The following CSMD1 variants were observed in gnomAD, a reference collection of about 807,000 sequenced individuals.
CSMD1 encodes the protein CUB and sushi domain-containing protein 1.
Under a neutral mutation model 417.5 loss-of-function variants are expected in CSMD1, and 213 were observed. The ratio of observed to expected loss-of-function variants is 0.51; its 90% CI spans 0.46 to 0.57. CSMD1 has a LOEUF of 0.57. Among genes scored for constraint, CSMD1 ranks in the 20% least tolerant of loss-of-function variants. CSMD1 has a pLI of 0.00. For missense variants in CSMD1, 6,923 were observed against 4,529.7 expected (o/e 1.53, Z -15.17); for synonymous variants, 2,862 against 1,736.8 (o/e 1.65, Z -16.11).
chr8:4,792,043 T>C (rs1287186328), intron 1 of CSMD1, among the ~76,000 whole-genome samples: 1 of 152,154 alleles, frequency 6.6e-6, no homozygotes, highest in Non-Finnish European at 1.5e-5. Context: ...AGTGGTGACA[T>C]TCTTACCCAA....
At chr8:4,075,877 GC>G (rs1272194219) in intron 3 of CSMD1, among the ~76,000 whole-genome samples, 1 of 152,076 alleles carries the variant, frequency 6.6e-6, no homozygotes, top group Non-Finnish European at 1.5e-5. Context: ...ATCTGTTCTA[GC>G]CCAGAAATTA....
intron 3 of CSMD1, among the ~76,000 whole-genome samples, chr8:4,113,684 A>G (rs950593043): frequency 3.3e-5 from 5 of 152,170 alleles, no homozygotes; most frequent in African/African-American, 9.7e-5. Context: ...GATTACAGGC[A>G]TGAGCCACCG....
At chr8:4,889,519 C>G (rs948136523) in intron 1 of CSMD1, among the ~76,000 whole-genome samples, 1 of 151,888 alleles carries the variant, frequency 6.6e-6, no homozygotes, top group Non-Finnish European at 1.5e-5. Context: ...TTTATCATTA[C>G]AGGAAGTTGT....
intron 1 of CSMD1, among the ~76,000 whole-genome samples, chr8:4,704,443 A>G (rs1351098607): frequency 6.6e-6 from 1 of 152,192 alleles, no homozygotes; most frequent in African/African-American, 2.4e-5. Context: ...TAGGATTTCA[A>G]TAAATATTTG....
rs370802043 is a variant in CSMD1, at chr8:3,208,153, A to AAT, written c.4868-2535_4868-2534dup. Among the ~76,000 whole-genome samples, 130 of 152,350 alleles carry AAT rather than the reference A, an allele frequency of 8.5e-4. 1 individual carries two copies. Among genetic ancestry groups the AAT allele is most frequent in the African/African-American group, 3.1e-3 (127 of 41,574 alleles). On this transcript the variant is annotated intron_variant, in intron 30 of 69. Transcript: ENST00000635120. Reference sequence around the variant, plus strand: ...TACAATTCAAACATATCATTTTGCAAATGATCTTTTTCCATAAAACAATTA... The same window carrying AAT: ...TACAATTCAAACATATCATTTTGCAAATATGATCTTTTTCCATAAAACAATTA...
intron 18 of CSMD1, 38 bp from the exon 19 acceptor site, chr8:3,369,408 T>A (rs1349581760): frequency 4.1e-6 from 4 of 971,172 alleles, no homozygotes; most frequent in South Asian, 1.4e-5. Flanking sequence ...AGCACTAAAG[T>A]TTCACAATGA....
chr8:3,683,480 C>A (rs1164140474), intron 7 of CSMD1, among the ~76,000 whole-genome samples: 1 of 152,130 alleles, frequency 6.6e-6, no homozygotes, highest in East Asian at 1.9e-4. Context: ...GAGGGGTGTT[C>A]ATAGGTACCT....
At chr8:4,661,610 G>C (rs1438407782) in intron 1 of CSMD1, among the ~76,000 whole-genome samples, 1 of 152,038 alleles carries the variant, frequency 6.6e-6, no homozygotes, top group African/African-American at 2.4e-5. Context: ...CTATTTCCTG[G>C]CTTTGCAAGA....
intron 54 of CSMD1, among the ~76,000 whole-genome samples, chr8:2,993,436 A>G (rs530251203): frequency 6.6e-6 from 1 of 152,268 alleles, no homozygotes; most frequent in Non-Finnish European, 1.5e-5. Context: ...TCCTGATCCT[A>G]TTACAAAAGA....
intron 5 of CSMD1, among the ~76,000 whole-genome samples, chr8:3,843,666 G>A (rs534686948): frequency 2.0e-5 from 3 of 152,264 alleles, no homozygotes; most frequent in East Asian, 1.9e-4. Flanking sequence ...GACAGGCCAC[G>A]GAGTGAGTGA....
intron 3 of CSMD1, among the ~76,000 whole-genome samples, chr8:4,272,272 A>T (rs1361282491): frequency 2.0e-5 from 3 of 152,318 alleles, no homozygotes; most frequent in South Asian, 4.1e-4. Context: ...GGACTTTAAG[A>T]AAACTTATAA....
At chr8:4,053,999 T>C (rs1476040659) in intron 3 of CSMD1, among the ~76,000 whole-genome samples, 3 of 152,168 alleles carry the variant, frequency 2.0e-5, no homozygotes, top group African/African-American at 4.8e-5. Flanking sequence ...GAACCTGAGA[T>C]GTAATTGTTT....
At chr8:3,402,301 A>G (rs1303153965) in intron 15 of CSMD1, among the ~76,000 whole-genome samples, 1 of 151,788 alleles carries the variant, frequency 6.6e-6, no homozygotes. Context: ...CGCACATTTT[A>G]TACTTTTTAT....
chr8:3,275,622 T>A (rs112876114), intron 26 of CSMD1, among the ~76,000 whole-genome samples: 11,025 of 152,216 alleles, frequency 0.072, 478 homozygotes, highest in Middle Eastern at 0.11. Flanking sequence ...GAGGCTTTGC[T>A]CGTTTCTTTT....
chr8:4,832,545 T>C (rs890415253), intron 1 of CSMD1, among the ~76,000 whole-genome samples: 1 of 152,186 alleles, frequency 6.6e-6, no homozygotes, highest in Non-Finnish European at 1.5e-5. Context: ...GCATGAGGTA[T>C]GCAAGGTTTT....
rs78578436 is a variant in CSMD1 at position 3,768,465 on chromosome 8, AT to A, written c.819-14424del. On this transcript the variant is annotated intron_variant, in intron 5 of 69. Coordinates refer to ENST00000635120, the MANE Select transcript of CSMD1 (RefSeq NM_033225.6). Reference sequence around the variant, plus strand: ...TAACCAGAAAATATATTTCCAACATATTTTTTTCTGAAAATTTCTAGTTTAT... The same window carrying A: ...TAACCAGAAAATATATTTCCAACATATTTTTTCTGAAAATTTCTAGTTTAT... 4.3e-4 allele frequency among the ~76,000 whole-genome samples: 66 copies of A among 152,262 alleles called. 1 individual carries two copies. The highest frequency in any genetic ancestry group is 2.5e-3 in the East Asian group (13 of 5,190).
At position 3,347,997 on chromosome 8, in the gene CSMD1, G is replaced by C. The variant is rs1388510737; in HGVS notation, c.3469C>G (p.Leu1157Val). 27 of 1,586,176 alleles carry C rather than the reference G, an allele frequency of 1.7e-5. No homozygotes were observed. The highest frequency in any genetic ancestry group is 2.3e-5 in the Non-Finnish European group (27 of 1,167,318). The change falls in exon 22 of 70, where the codon CTA (leucine) becomes GTA (valine). Residue 1157 changes from leucine (L) to valine (V), a missense_variant. Coordinates refer to ENST00000635120, the MANE Select transcript of CSMD1 (RefSeq NM_033225.6). The part of the protein sequence containing the change: ...RSFQLFEGDT[L>V]KVYDGKDSSS... ...TTGGAGAAGATTCTTTTTACCTTTA[G>C]AGTATCTCCTTCAAACAGCTGGAAG...
Position 3,739,629 on chromosome 8 carries a change from T to C in CSMD1, c.931+14301A>G, listed in dbSNP as rs367744138. Among the ~76,000 whole-genome samples, 13 of 152,318 alleles carry C rather than the reference T, an allele frequency of 8.5e-5. No individual in the cohort carries two copies. The East Asian group carries it at 1.9e-3, about 23-fold the overall frequency. ...AGTCTCTCAAAAGGCCTTTCTGTGC[T>C]GAACATTTACAGTTCATAGGGAAAT... On this transcript the variant is annotated intron_variant, in intron 6 of 69. Transcript: ENST00000635120.
chr8:4,298,644 G>C (rs528802902), intron 3 of CSMD1, among the ~76,000 whole-genome samples: 5 of 152,160 alleles, frequency 3.3e-5, no homozygotes, highest in East Asian at 3.9e-4. Flanking sequence ...TCACAATTTA[G>C]TTTTAATACA....
Sources: allele counts gnomAD v4.1 joint callset (sites outside exome capture counted in the v4.1 genomes callset), GRCh38; gene constraint gnomAD v4.1.1; transcripts MANE v1.5; gene names NCBI Gene and HGNC (gene_info 2026-07-23, HGNC 2026-07-21).